Variants in NIM1K observed in about 807,000 individuals in gnomAD.
The protein encoded by NIM1K is serine/threonine-protein kinase NIM1.
Under a neutral mutation model 37.1 loss-of-function variants are expected in NIM1K, and 35 were observed. The ratio of observed to expected loss-of-function variants is 0.94; its 90% CI spans 0.72 to 1.25. NIM1K has a LOEUF of 1.25. Ranked by LOEUF, NIM1K falls within the 50% of genes most tolerant of loss-of-function variation. NIM1K has a pLI of 0.00. For missense variants in NIM1K, 564 were observed against 548.0 expected, an observed-to-expected ratio of 1.03 and a Z score of -0.29; for synonymous variants, 234 against 206.6, an observed-to-expected ratio of 1.13 and a Z score of -1.14.
In NIM1K at chr5:43,237,193, G is replaced by A. The variant is rs546437513; in HGVS notation, c.-694-7889G>A. ...AATGAAAAGGTTGCCTAAGAGCCTC[G>A]CCCAGAAGTTTTGTAAGTTAAACTC... is the stretch of plus-strand genomic sequence containing the variant. On this transcript the variant is annotated intron_variant, in intron 1 of 3. Coordinates refer to ENST00000326035, the MANE Select transcript of NIM1K (RefSeq NM_153361.4). Among the ~76,000 whole-genome samples, 3 of 152,246 alleles carry A rather than the reference G, an allele frequency of 2.0e-5. No individual in the cohort carries two copies. In the South Asian group the frequency reaches 6.2e-4, roughly 32 times the overall value.
At chr5:43,252,173 G>A (rs376235571) in intron 2 of NIM1K, among the ~76,000 whole-genome samples, 3 of 151,970 alleles carry the variant, frequency 2.0e-5, no homozygotes, top group South Asian at 2.1e-4. Flanking sequence ...CTTACTTCTC[G>A]GGTTCCAAAG....
At chr5:43,253,834 T>G (rs1752903555) in intron 2 of NIM1K, among the ~76,000 whole-genome samples, 1 of 152,052 alleles carries the variant, frequency 6.6e-6, no homozygotes, top group Admixed American at 6.6e-5. Context: ...AATTTTTTTT[T>G]GTATCTTTAG....
chr5:43,277,529 C>A (rs1753364120), intron 3 of NIM1K, among the ~76,000 whole-genome samples: 1 of 152,118 alleles, frequency 6.6e-6, no homozygotes, highest in Non-Finnish European at 1.5e-5. Context: ...TACACGTCAA[C>A]CTCCTAGCTT....
chr5:43,252,732 T>C (rs1752883463), intron 2 of NIM1K, among the ~76,000 whole-genome samples: 1 of 152,144 alleles, frequency 6.6e-6, no homozygotes, highest in Non-Finnish European at 1.5e-5. Context: ...TTGACAGTCA[T>C]CATGAGCCCC....
intron 2 of NIM1K, among the ~76,000 whole-genome samples, chr5:43,259,155 G>A (rs1025355199): frequency 6.6e-6 from 1 of 152,104 alleles, no homozygotes; most frequent in Non-Finnish European, 1.5e-5. Context: ...CCCACTCATT[G>A]GTTGGTTGAC....
At chr5:43,275,394 G>T (rs1753323043) in intron 2 of NIM1K, among the ~76,000 whole-genome samples, 1 of 152,158 alleles carries the variant, frequency 6.6e-6, no homozygotes, top group Non-Finnish European at 1.5e-5. Context: ...ATGCATCCTT[G>T]TACATGCATC....
chr5:43,254,547 T>C (rs936132359), intron 2 of NIM1K, among the ~76,000 whole-genome samples: 2 of 152,156 alleles, frequency 1.3e-5, no homozygotes, highest in African/African-American at 2.4e-5. Flanking sequence ...TCGACAAATA[T>C]TTGGTGAGTT....
intron 1 of NIM1K, among the ~76,000 whole-genome samples, chr5:43,238,636 T>C (rs982809961): frequency 6.6e-6 from 1 of 151,888 alleles, no homozygotes; most frequent in African/African-American, 2.4e-5. Context: ...GAAACTTGGT[T>C]GGAAGCTCCC....
chr5:43,276,303 A>T (rs1267759599), intron 2 of NIM1K, among the ~76,000 whole-genome samples: 1 of 152,250 alleles, frequency 6.6e-6, no homozygotes, highest in Non-Finnish European at 1.5e-5. Flanking sequence ...AGCTCCAATC[A>T]TGGTGGAAGG....
chr5:43,219,591 T>C (rs922615863), intron 1 of NIM1K, among the ~76,000 whole-genome samples: 2 of 152,196 alleles, frequency 1.3e-5, no homozygotes, highest in African/African-American at 4.8e-5. Context: ...ATCCAAATGA[T>C]ATCAGGTGAT....
At chr5:43,227,083 G>T (rs939706594) in intron 1 of NIM1K, among the ~76,000 whole-genome samples, 3 of 152,182 alleles carry the variant, frequency 2.0e-5, no homozygotes, top group Non-Finnish European at 4.4e-5. Flanking sequence ...TTGGTTCACC[G>T]GGCGCAGTGG....
chr5:43,218,754 T>C (rs1175715104), intron 1 of NIM1K, among the ~76,000 whole-genome samples: 1 of 150,096 alleles, frequency 6.7e-6, no homozygotes, highest in Non-Finnish European at 1.5e-5. Flanking sequence ...TCTCATTCTG[T>C]CTCCCAGGCC....
intron 1 of NIM1K, among the ~76,000 whole-genome samples, chr5:43,238,819 A>G (rs1011028682): frequency 4.0e-5 from 6 of 151,640 alleles, no homozygotes; most frequent in African/African-American, 1.5e-4. Context: ...CCATTCTGGG[A>G]ACCAAGAGTG....
At chr5:43,216,099 AC>A (rs1752296258) in intron 1 of NIM1K, among the ~76,000 whole-genome samples, 1 of 152,132 alleles carries the variant, frequency 6.6e-6, no homozygotes, top group South Asian at 2.1e-4. Flanking sequence ...ATAGGTATAT[AC>A]CTATAAAGAA....
intron 1 of NIM1K, chr5:43,206,997 A>G (rs1752122891): frequency 1.3e-6 from 1 of 755,674 alleles, no homozygotes; most frequent in Non-Finnish European, 2.5e-6. Context: ...TTGAGTCAGG[A>G]CAGTACTGGG....
At chr5:43,231,552 AT>A (rs1752539439) in intron 1 of NIM1K, among the ~76,000 whole-genome samples, 4 of 152,218 alleles carry the variant, frequency 2.6e-5, no homozygotes, top group African/African-American at 9.6e-5. Context: ...TAAAAGTATT[AT>A]TTATTCTGTT....
chr5:43,198,208 TC>T lies in NIM1K; in HGVS notation c.-695+5798del, dbSNP rs1174509102. Among the ~76,000 whole-genome samples, 221 of 23,650 alleles carry T rather than the reference TC, an allele frequency of 9.3e-3. 3 individuals carry two copies. The highest frequency in any genetic ancestry group is 0.033 in the South Asian group (19 of 576). The allele number at this position is 23,650 out of a possible 152,430, so 15.5% of individuals were successfully genotyped here. ...CTTTCTTTCTTTCTTTCTTTCTTTC[TC>T]TTTCTTTCTTTCTTTCTTTCTTTCT... On this transcript the variant is annotated intron_variant, in intron 1 of 3. Coordinates refer to ENST00000326035, the MANE Select transcript of NIM1K (RefSeq NM_153361.4).
At position 43,209,763 on chromosome 5, in the gene NIM1K, C is replaced by T. The variant is rs1053000375; in HGVS notation, c.-695+17352C>T. Among the ~76,000 whole-genome samples, 10 of 151,968 alleles carry T rather than the reference C, an allele frequency of 6.6e-5. 1 individual carries two copies. The Middle Eastern group carries it at 0.02, about 310-fold the overall frequency. ...CCTCCAGAGTAGCTGGGATTATAGG[C>T]GCCACCACGCCCAGCTAATTTTTGT... On this transcript the variant is annotated intron_variant, in intron 1 of 3. Transcript: ENST00000326035.
chr5:43,228,266 C>T (rs990024092), intron 1 of NIM1K, among the ~76,000 whole-genome samples: 1 of 151,956 alleles, frequency 6.6e-6, no homozygotes, highest in African/African-American at 2.4e-5. Flanking sequence ...TCTGCCTCAG[C>T]CTCCCGAGTA....
Sources: allele counts gnomAD v4.1 joint callset (sites outside exome capture counted in the v4.1 genomes callset), GRCh38; gene constraint gnomAD v4.1.1; transcripts MANE v1.5; gene names NCBI Gene and HGNC (gene_info 2026-07-23, HGNC 2026-07-21).